CEP57: variants seen among roughly 807,000 people sequenced by gnomAD.
CEP57 encodes the protein centrosomal protein of 57 kDa.
CEP57 carries 40 observed loss-of-function variants against 68.0 expected under a neutral mutation model. The ratio of observed to expected loss-of-function variants is 0.59; its 90% CI spans 0.46 to 0.77. CEP57 has a LOEUF of 0.77. CEP57 is among the 30% of genes least tolerant of loss of function. CEP57 has a pLI of 0.00. For synonymous variants in CEP57, 219 were observed against 198.7 expected, an observed-to-expected ratio of 1.10 and a Z score of -0.86; for missense variants, 606 against 580.7, an observed-to-expected ratio of 1.04 and a Z score of -0.45.
intron 2 of CEP57, among the ~76,000 whole-genome samples, chr11:95,800,938 C>T (rs979243320): frequency 9.9e-5 from 15 of 152,032 alleles, no homozygotes; most frequent in South Asian, 4.2e-4. Flanking sequence ...GTGGCATTTC[C>T]TTTTTTTGAA....
In CEP57 at chr11:95,817,773, A is replaced by G. The variant is rs571509351; in HGVS notation, c.505-14A>G. The G allele has an allele frequency of 7.8e-6, 12 of 1,532,628 alleles. No homozygotes were observed. In the South Asian group the frequency reaches 1.3e-4, roughly 17 times the overall value. 94.9% of individuals were successfully genotyped at this position (1,532,628 alleles called of 1,614,324 possible). ...TTGTCAAATTATCAAGCCGTATTGA[A>G]TATTGTTTTTCAGGTTTCCCTAGAA... is the stretch of plus-strand genomic sequence containing the variant. On this transcript the variant is annotated splice_polypyrimidine_tract_variant and intron_variant, in intron 4 of 10. Transcript: ENST00000325542.
intron 4 of CEP57, chr11:95,815,272 A>AT (rs2135328585): frequency 6.6e-6 from 1 of 152,298 alleles, no homozygotes; most frequent in African/African-American, 2.4e-5. Flanking sequence ...TCAGTAATTA[A>AT]TTCTTGTGTG....
At chr11:95,799,120 A>AT (rs765086649) in intron 1 of CEP57, 112 bp from the exon 2 acceptor site, 22 of 1,060,340 alleles carry the variant, frequency 2.1e-5, no homozygotes, top group South Asian at 4.0e-5. Flanking sequence ...TAGTCAGTGG[A>AT]TTTTTTCTGT....
At chr11:95,796,605 A>T (rs1339677097) in intron 1 of CEP57, among the ~76,000 whole-genome samples, 2 of 152,226 alleles carry the variant, frequency 1.3e-5, no homozygotes, top group Admixed American at 6.5e-5. Flanking sequence ...ATTGAACATA[A>T]TAAAACTCCT....
rs182420549 is a variant in CEP57, at chr11:95,812,335, T to C, written c.203-597T>C. 3.8e-3 allele frequency among the ~76,000 whole-genome samples: 580 copies of C among 152,264 alleles called. 4 individuals are homozygous for C. The highest frequency in any genetic ancestry group is 0.024 in the Middle Eastern group (7 of 294). On this transcript the variant is annotated intron_variant, in intron 2 of 10. Coordinates refer to ENST00000325542, the MANE Select transcript of CEP57 (RefSeq NM_014679.5). The stretch of plus-strand genomic sequence containing the variant: ...ACTTTGTATGATTGGCTAAATTTTT[T>C]ACCACTTTATAAAAGTCTTTGAAAT...
At chr11:95,824,258 T>TA (rs939731822) in intron 8 of CEP57, among the ~76,000 whole-genome samples, 7 of 149,110 alleles carry the variant, frequency 4.7e-5, no homozygotes, top group South Asian at 2.1e-4. Context: ...AAATTTTTTT[T>TA]AAAAAAAAAA....
At chr11:95,792,365 C>T (rs1262245350) in intron 1 of CEP57, among the ~76,000 whole-genome samples, 2 of 152,166 alleles carry the variant, frequency 1.3e-5, no homozygotes, top group Non-Finnish European at 2.9e-5. Flanking sequence ...GTGCGTGGCT[C>T]ATGCCTGTAA....
intron 1 of CEP57, chr11:95,795,391 C>G: frequency 2.6e-6 from 1 of 390,610 alleles, no homozygotes; most frequent in East Asian, 3.6e-5. Context: ...CTATTTTACT[C>G]AGCAATCTTC....
intron 6 of CEP57, among the ~76,000 whole-genome samples, chr11:95,820,740 CA>C (rs976325149): frequency 2.0e-5 from 3 of 151,730 alleles, no homozygotes; most frequent in African/African-American, 4.8e-5. Flanking sequence ...TTAAAATACT[CA>C]AAAAAAAGTT....
In CEP57 at chr11:95,831,468, G is replaced by A. The variant is rs563817881; in HGVS notation, c.*212G>A. 3.7e-5 allele frequency: 17 copies of A among 465,034 alleles called. No homozygotes were observed. Among genetic ancestry groups the A allele is most frequent in the East Asian group, 1.1e-4 (3 of 27,640 alleles). The allele number at this position is 465,034 out of a possible 1,614,324, so 28.8% of individuals were successfully genotyped here. A position where few individuals can be genotyped will look rare whatever the true frequency, so the allele number is the denominator to read the frequency against. ...GGAAACCAGGGGAGTTTTAAAGCCCGAGAAACCACACATAATCTTTTGTTG... is the reference window on the plus strand; with the variant it reads ...GGAAACCAGGGGAGTTTTAAAGCCCAAGAAACCACACATAATCTTTTGTTG... On this transcript the variant is annotated 3_prime_UTR_variant, in exon 11 of 11. Transcript: ENST00000325542.
chr11:95,803,851 A>G (rs1193824494), intron 2 of CEP57, among the ~76,000 whole-genome samples: 3 of 152,152 alleles, frequency 2.0e-5, no homozygotes, highest in South Asian at 2.1e-4. Context: ...ACAAGCAAGC[A>G]TTATCTGGGT....
At chr11:95,794,800 T>G (rs1460541349) in intron 1 of CEP57, among the ~76,000 whole-genome samples, 1 of 152,252 alleles carries the variant, frequency 6.6e-6, no homozygotes, top group African/African-American at 2.4e-5. Context: ...TTTTTCCTAC[T>G]TATTTTAAAG....
intron 2 of CEP57, among the ~76,000 whole-genome samples, chr11:95,802,805 A>G (rs1167120127): frequency 6.6e-6 from 1 of 152,252 alleles, no homozygotes; most frequent in Admixed American, 6.5e-5. Flanking sequence ...GCCCTGGGAA[A>G]GGCCTCATGA....
At chr11:95,825,842 C>T (rs1327686460) in intron 8 of CEP57, 1 of 152,116 alleles carries the variant, frequency 6.6e-6, no homozygotes, top group Non-Finnish European at 1.5e-5. Context: ...AGGTGATCCA[C>T]CTGCCTCAGC....
chr11:95,820,946 CAT>C (rs1200940489), intron 6 of CEP57, among the ~76,000 whole-genome samples: 14 of 152,208 alleles, frequency 9.2e-5, no homozygotes, highest in Non-Finnish European at 2.1e-4. Context: ...AAGCTGCACT[CAT>C]GTGGGAAGTA....
intron 2 of CEP57, among the ~76,000 whole-genome samples, chr11:95,810,731 A>G (rs557235192): frequency 4.9e-4 from 75 of 152,376 alleles, no homozygotes; most frequent in Admixed American, 8.5e-4. Flanking sequence ...TTCCATACTC[A>G]TGGATAGGAA....
intron 8 of CEP57, chr11:95,825,632 T>C (rs1451586932): frequency 6.7e-6 from 1 of 149,886 alleles, no homozygotes; most frequent in Non-Finnish European, 1.5e-5. Flanking sequence ...AGTCTCGCTC[T>C]GTCACTCAGG....
intron 10 of CEP57, among the ~76,000 whole-genome samples, chr11:95,829,734 T>C (rs781197039): frequency 1.3e-5 from 2 of 152,202 alleles, no homozygotes; most frequent in Non-Finnish European, 2.9e-5. Flanking sequence ...AACAATGTAG[T>C]ACTACCAGAT....
At chr11:95,814,763 T>A (rs2508713) in intron 4 of CEP57, among the ~76,000 whole-genome samples, 42,826 of 152,098 alleles carry the variant, frequency 0.28, 7,125 homozygotes, top group Non-Finnish European at 0.38. Flanking sequence ...TAAAATCGGA[T>A]TGTTTATATG....
Sources: gnomAD v4.1 joint callset for allele counts (sites outside exome capture counted in the v4.1 genomes callset) on GRCh38, gnomAD v4.1.1 for gene constraint, MANE v1.5 for transcripts, NCBI Gene and HGNC (gene_info 2026-07-23, HGNC 2026-07-21) for gene names.